The following SLC9A8 variants were observed in gnomAD, a reference collection of about 807,000 sequenced individuals.
SLC9A8 encodes the protein sodium/hydrogen exchanger 8.
In SLC9A8, 48 loss-of-function variants were observed where a neutral mutation model predicts 66.6. The ratio of observed to expected loss-of-function variants is 0.72; its 90% CI spans 0.57 to 0.92. The LOEUF (loss-of-function observed/expected upper bound fraction) is 0.92, where lower values mean the gene tolerates loss of function less well. Among genes scored for constraint, SLC9A8 ranks in the 40% least tolerant of loss-of-function variants. The probability of loss-of-function intolerance (pLI) is 0.00; values close to 1 mark genes in which losing one functional copy is unlikely to be tolerated. For missense variants in SLC9A8, 599 were observed against 747.3 expected (o/e 0.80, Z 2.31); for synonymous variants, 274 against 282.6 (o/e 0.97, Z 0.31).
intron 3 of SLC9A8, among the ~76,000 whole-genome samples, chr20:49,834,484 C>CTGTA (rs1416567488): frequency 1.5e-5 from 2 of 130,746 alleles, no homozygotes; most frequent in Non-Finnish European, 3.2e-5. Context: ...TATATATATA[C>CTGTA]TGTATATATA....
At chr20:49,828,387 T>A (rs967032293) in intron 3 of SLC9A8, among the ~76,000 whole-genome samples, 5 of 151,526 alleles carry the variant, frequency 3.3e-5, no homozygotes, top group African/African-American at 9.7e-5. Flanking sequence ...CCGCCTAATT[T>A]TATATATATA....
chr20:49,828,953 T>C (rs1405622298), intron 3 of SLC9A8, among the ~76,000 whole-genome samples: 1 of 151,738 alleles, frequency 6.6e-6, no homozygotes, highest in Non-Finnish European at 1.5e-5. Flanking sequence ...ATTTATTTCT[T>C]TTTAACACAG....
intron 12 of SLC9A8, among the ~76,000 whole-genome samples, chr20:49,878,835 T>C (rs2089524901): frequency 6.6e-6 from 1 of 152,112 alleles, no homozygotes; most frequent in South Asian, 2.1e-4. Flanking sequence ...CTGGCAAACA[T>C]GGTGAAACCC....
At chr20:49,843,409 G>C (rs967305) in intron 4 of SLC9A8, among the ~76,000 whole-genome samples, 102,184 of 151,988 alleles carry the variant, frequency 0.67, 35,634 homozygotes, top group African/African-American at 0.86. Context: ...TATTTTGAGC[G>C]TTTTTTGACT....
At chr20:49,829,995 C>G in intron 3 of SLC9A8, 3 of 628,060 alleles carry the variant, frequency 4.8e-6, no homozygotes, top group South Asian at 4.1e-5. Context: ...GAGTCCGGTA[C>G]CTTGAAGTGG....
chr20:49,884,231 C>G (rs1481309873), intron 14 of SLC9A8, 165 bp downstream of exon 14: 16 of 223,612 alleles, frequency 7.2e-5, no homozygotes, highest in Non-Finnish European at 1.1e-4. Context: ...CACACACACA[C>G]ACACACACAC....
intron 5 of SLC9A8, among the ~76,000 whole-genome samples, 161 bp from the exon 6 acceptor site, chr20:49,849,418 G>T (rs529245412): frequency 6.6e-6 from 1 of 152,128 alleles, no homozygotes. Context: ...AAGTGCGGGG[G>T]TGCAGGAAGA....
chr20:49,872,264 A>G (rs1218053093), intron 10 of SLC9A8, among the ~76,000 whole-genome samples: 18 of 152,122 alleles, frequency 1.2e-4, no homozygotes, highest in Non-Finnish European at 2.4e-4. Context: ...CCTGTAGGGG[A>G]AACTGAAGAG....
chr20:49,837,774 G>T (rs2146551267), intron 3 of SLC9A8, among the ~76,000 whole-genome samples: 1 of 152,086 alleles, frequency 6.6e-6, no homozygotes, highest in Admixed American at 6.6e-5. Flanking sequence ...TCACTGTGTT[G>T]GCCAGGCTGG....
intron 8 of SLC9A8, among the ~76,000 whole-genome samples, chr20:49,856,940 C>A (rs1256772876): frequency 1.3e-5 from 2 of 152,134 alleles, no homozygotes; most frequent in Admixed American, 6.5e-5. Context: ...CAGAGCAAGA[C>A]CCTGTCTCAA....
At position 49,825,515 on chromosome 20, in the gene SLC9A8, G is replaced by C. The variant is rs1303929223; in HGVS notation, c.289+2374G>C. ...AAATTAGCTGGGCATGGTGGCAGGT[G>C]CTTGTAATCCCAGCTACTCTGGAGG... On this transcript the variant is annotated intron_variant, in intron 3 of 15. Coordinates refer to ENST00000361573, the MANE Select transcript of SLC9A8 (RefSeq NM_015266.3). Among the ~76,000 whole-genome samples, 4 of 152,108 alleles carry C rather than the reference G, an allele frequency of 2.6e-5. No individual in the cohort carries two copies. The South Asian group carries it at 8.3e-4, about 32-fold the overall frequency.
chr20:49,888,074 G>A lies in SLC9A8; in HGVS notation c.*138G>A. On this transcript the variant is annotated 3_prime_UTR_variant, in exon 16 of 16. Coordinates refer to ENST00000361573, the MANE Select transcript of SLC9A8 (RefSeq NM_015266.3). ...AAGAGGGCGGGGCGAGGTACTGGCT[G>A]CAGAGTCGCCTTAGTCCAGAACCTG... 3.0e-6 allele frequency: 2 copies of A among 663,722 alleles called. No homozygotes were observed. Among genetic ancestry groups the A allele is most frequent in the Non-Finnish European group, 5.2e-6 (2 of 382,252 alleles). 41.1% of individuals were successfully genotyped at this position (663,722 alleles called of 1,614,324 possible). A position where few individuals can be genotyped will look rare whatever the true frequency, so the allele number is the denominator to read the frequency against.
At chr20:49,876,869 T>C (rs2089445806) in intron 11 of SLC9A8, among the ~76,000 whole-genome samples, 1 of 151,986 alleles carries the variant, frequency 6.6e-6, no homozygotes, top group Non-Finnish European at 1.5e-5. Flanking sequence ...AAGAAAAAAA[T>C]TTCAGAGAGA....
intron 2 of SLC9A8, among the ~76,000 whole-genome samples, chr20:49,819,253 CAT>C (rs2086655432): frequency 6.6e-6 from 1 of 152,072 alleles, no homozygotes; most frequent in Non-Finnish European, 1.5e-5. Flanking sequence ...ATATATTTTC[CAT>C]AGTCATTACT....
chr20:49,883,781 G>C, intron 13 of SLC9A8, 65 bp from the exon 14 acceptor site: 2 of 1,377,340 alleles, frequency 1.5e-6, no homozygotes, highest in Admixed American at 3.8e-5. Flanking sequence ...GGATTTCCAG[G>C]GAAGCCAGCC....
At chr20:49,833,150 C>T (rs2087282981) in intron 3 of SLC9A8, among the ~76,000 whole-genome samples, 1 of 152,174 alleles carries the variant, frequency 6.6e-6, no homozygotes, top group Non-Finnish European at 1.5e-5. Context: ...GTGATCCGCC[C>T]ACCTTGGCCT....
chr20:49,866,340 G>T lies in SLC9A8; in HGVS notation c.958+1496G>T, dbSNP rs772357414. Reference sequence around the variant, plus strand: ...TTGGGGTTTTCCAGATTTGGGCTAAGAACAGTGTGCATGTGTTTTCATTTA... The same window carrying T: ...TTGGGGTTTTCCAGATTTGGGCTAATAACAGTGTGCATGTGTTTTCATTTA... On this transcript the variant is annotated intron_variant, in intron 10 of 15. Coordinates refer to ENST00000361573, the MANE Select transcript of SLC9A8 (RefSeq NM_015266.3). Among the ~76,000 whole-genome samples the T allele has an allele frequency of 7.9e-5, 12 of 152,232 alleles. No individual in the cohort carries two copies. In the South Asian group the frequency reaches 1.0e-3, roughly 13 times the overall value.
intron 3 of SLC9A8, among the ~76,000 whole-genome samples, chr20:49,831,823 T>G (rs984832892): frequency 1.3e-5 from 2 of 152,230 alleles, no homozygotes; most frequent in African/African-American, 4.8e-5. Context: ...AATGAGGCCC[T>G]GGCTTTCCAG....
chr20:49,814,897 C>A, intron 1 of SLC9A8, 111 bp from the exon 2 acceptor site: 1 of 856,844 alleles, frequency 1.2e-6, no homozygotes, highest in Non-Finnish European at 1.7e-6. Flanking sequence ...CTGTTAAAGA[C>A]TTCTGAATCC....
Sources: gnomAD v4.1 joint callset for allele counts (sites outside exome capture counted in the v4.1 genomes callset) on GRCh38, gnomAD v4.1.1 for gene constraint, MANE v1.5 for transcripts, NCBI Gene and HGNC (gene_info 2026-07-23, HGNC 2026-07-21) for gene names.